Variants in PRKAR1A observed in about 807,000 individuals in gnomAD.
PRKAR1A encodes protein kinase cAMP-dependent type I regulatory subunit alpha.
Under a neutral mutation model 52.0 loss-of-function variants are expected in PRKAR1A, and 3 were observed. The observed-to-expected ratio is 0.06, with a 90% CI of 0.03 to 0.15. The LOEUF (loss-of-function observed/expected upper bound fraction) is 0.15. PRKAR1A is among the 10% of genes least tolerant of loss of function. The pLI is 1.00. For missense variants in PRKAR1A, 240 were observed against 477.4 expected (o/e 0.50, Z 4.63); for synonymous variants, 188 against 168.4 (o/e 1.12, Z -0.90).
At chr17:68,501,950 C>T in the PRKAR1A span, among the ~76,000 whole-genome samples, 1 of 152,216 alleles carries the variant, frequency 6.6e-6, no homozygotes. Context: ...CTTCCTGTCT[C>T]CTCCTTATCC....
chr17:68,469,167 C>G, the PRKAR1A span, among the ~76,000 whole-genome samples: 2 of 151,740 alleles, frequency 1.3e-5, no homozygotes, highest in Admixed American at 6.6e-5. Flanking sequence ...CACACCAAAA[C>G]AGGAATCACT....
chr17:68,542,145 C>T (rs139437162), intron 11 of PRKAR1A: 21 of 1,613,924 alleles, frequency 1.3e-5, no homozygotes, highest in African/African-American at 4.0e-5. Context: ...GGACACTTGG[C>T]GAAGAAGCAC....
At chr17:68,434,707 A>T in the PRKAR1A span, 1 of 1,452,792 alleles carries the variant, frequency 6.9e-7, no homozygotes, top group Non-Finnish European at 9.5e-7. Flanking sequence ...AGTTTGTTTT[A>T]TTGGTTTTGA....
chr17:68,548,566 A>C (rs1228507151), intron 11 of PRKAR1A, among the ~76,000 whole-genome samples: 1 of 151,976 alleles, frequency 6.6e-6, no homozygotes, highest in East Asian at 1.9e-4. Flanking sequence ...AGAATTACCA[A>C]ATGTGACACA....
the PRKAR1A span, among the ~76,000 whole-genome samples, chr17:68,500,431 A>G: frequency 6.6e-6 from 1 of 151,740 alleles, no homozygotes; most frequent in South Asian, 2.1e-4. Context: ...GCCTTCCGCC[A>G]TGATTGTGAG....
chr17:68,470,234 A>G, the PRKAR1A span, among the ~76,000 whole-genome samples: 13 of 152,096 alleles, frequency 8.5e-5, no homozygotes, highest in Non-Finnish European at 1.8e-4. Flanking sequence ...GGAGCGTGCC[A>G]CCGCACCTGA....
chr17:68,445,992 T>G, the PRKAR1A span, among the ~76,000 whole-genome samples: 1 of 152,148 alleles, frequency 6.6e-6, no homozygotes, highest in African/African-American at 2.4e-5. Context: ...ACCACTGGTC[T>G]CAGCCAGCTC....
At chr17:68,526,033 A>G (rs1600486761) in intron 7 of PRKAR1A, 121 bp downstream of exon 7, 2 of 1,250,502 alleles carry the variant, frequency 1.6e-6, no homozygotes, top group Non-Finnish European at 2.2e-6. Context: ...CTTTCTTTTA[A>G]TAAGCGAATA....
At chr17:68,421,693 A>T in the PRKAR1A span, 1 of 1,595,152 alleles carries the variant, frequency 6.3e-7, no homozygotes, top group African/African-American at 1.3e-5. Flanking sequence ...ACACAATTGC[A>T]CTCCATTCTT....
At chr17:68,476,622 C>T in the PRKAR1A span, among the ~76,000 whole-genome samples, 1 of 151,858 alleles carries the variant, frequency 6.6e-6, no homozygotes, top group African/African-American at 2.4e-5. Flanking sequence ...TTCCTTCCCT[C>T]CATCCTTCCC....
chr17:68,483,262 C>T, the PRKAR1A span, among the ~76,000 whole-genome samples: 3 of 152,066 alleles, frequency 2.0e-5, no homozygotes, highest in Non-Finnish European at 1.5e-5. Flanking sequence ...GGGTGAATCA[C>T]CTGAGGTCAG....
At chr17:68,486,491 TTCCTTCC>T in the PRKAR1A span, among the ~76,000 whole-genome samples, 31 of 51,194 alleles carry the variant, frequency 6.1e-4, no homozygotes, top group East Asian at 1.8e-3. Context: ...CCTTCCTTCC[TTCCTTCC>T]TTCCTTCCTT....
the PRKAR1A span, among the ~76,000 whole-genome samples, chr17:68,467,299 C>T: frequency 9.9e-5 from 15 of 152,118 alleles, no homozygotes; most frequent in African/African-American, 3.6e-4. Flanking sequence ...TGCTGGGTCA[C>T]CTGGTAATTC....
rs761551855 is a variant in PRKAR1A at position 68,542,827 on chromosome 17, C to G, written c.974-8257C>G. On this transcript the variant is annotated intron_variant, in intron 11 of 11. Transcript: ENST00000585981. ...CCAGAATCCTGCAAGAGAGGAAGCT[C>G]TGTTCCATCTGAGGGATGATCAGGG... 7.6e-6 allele frequency: 12 copies of G among 1,576,812 alleles called. No individual in the cohort carries two copies. In the South Asian group the frequency reaches 1.1e-4, roughly 15 times the overall value.
At chr17:68,417,061 T>G in the PRKAR1A span, among the ~76,000 whole-genome samples, 2,563 of 152,304 alleles carry the variant, frequency 0.017, 81 homozygotes, top group African/African-American at 0.059. Context: ...TTTGTCATAT[T>G]AATTACCAGA....
downstream of PRKAR1A, chr17:68,536,690 C>T (rs1326497924): frequency 4.4e-6 from 2 of 453,750 alleles, no homozygotes; most frequent in South Asian, 3.1e-5. Context: ...GCTTGTGTCC[C>T]TGCTAGGCCT....
At chr17:68,432,311 T>G in the PRKAR1A span, among the ~76,000 whole-genome samples, 1 of 152,196 alleles carries the variant, frequency 6.6e-6, no homozygotes, top group East Asian at 1.9e-4. Context: ...GTGGGCTTGC[T>G]TTAATCACAC....
upstream of PRKAR1A, among the ~76,000 whole-genome samples, chr17:68,510,403 T>C (rs1200649465): frequency 1.3e-5 from 2 of 152,186 alleles, no homozygotes; most frequent in East Asian, 3.8e-4. Flanking sequence ...ACACAGTAAG[T>C]GCTATACGTG....
the PRKAR1A span, chr17:68,426,254 G>GGGCCCCCCCCCCCCCCCC: frequency 6.1e-6 from 5 of 816,898 alleles, no homozygotes; most frequent in Non-Finnish European, 7.8e-6. Context: ...GGGAGCGGGG[G>GGGCCCCCCCCCCCCCCCC]CTCAAATAAA....
Sources: gnomAD v4.1 joint callset for allele counts (sites outside exome capture counted in the v4.1 genomes callset) on GRCh38, gnomAD v4.1.1 for gene constraint, MANE v1.5 for transcripts, NCBI Gene and HGNC (gene_info 2026-07-23, HGNC 2026-07-21) for gene names.